The following EPS15 variants were observed in gnomAD, a reference collection of about 807,000 sequenced individuals.
EPS15 encodes the protein epidermal growth factor receptor substrate 15.
A neutral mutation model predicts 113.8 loss-of-function variants in EPS15; 72 were observed. The ratio of observed to expected loss-of-function variants is 0.63; its 90% CI spans 0.52 to 0.77. The LOEUF is 0.77. Among genes scored for constraint, EPS15 ranks in the 30% least tolerant of loss-of-function variants. EPS15 has a pLI of 0.00. For synonymous variants in EPS15, 344 were observed against 363.4 expected, an observed-to-expected ratio of 0.95 and a Z score of 0.61; for missense variants, 1,048 against 1,045.8, an observed-to-expected ratio of 1.00 and a Z score of -0.03.
intron 10 of EPS15, 60 bp downstream of exon 10, chr1:51,446,900 C>T (rs970565390): frequency 1.4e-6 from 2 of 1,381,224 alleles, no homozygotes; most frequent in Admixed American, 4.6e-5. Context: ...AATCAAAATG[C>T]AGAAACTGGA....
intron 21 of EPS15, among the ~76,000 whole-genome samples, chr1:51,380,732 C>T (rs1459612564): frequency 6.6e-6 from 1 of 152,060 alleles, no homozygotes; most frequent in East Asian, 1.9e-4. Context: ...ATTAAACTCT[C>T]TAATGAAAAG....
chr1:51,372,540 GGT>G (rs1646683297), intron 21 of EPS15: 2 of 529,436 alleles, frequency 3.8e-6, no homozygotes, highest in South Asian at 2.8e-5. Flanking sequence ...ATAGTTGGGT[GGT>G]ACCACACAGG....
intron 2 of EPS15, among the ~76,000 whole-genome samples, chr1:51,479,037 T>C (rs1167470506): frequency 7.2e-5 from 11 of 152,228 alleles, no homozygotes; most frequent in Admixed American, 7.2e-4. Flanking sequence ...TCCTGGATAA[T>C]ATCCTGAAGA....
intron 12 of EPS15, among the ~76,000 whole-genome samples, chr1:51,432,186 G>A (rs1651786481): frequency 6.6e-6 from 1 of 152,102 alleles, no homozygotes; most frequent in Non-Finnish European, 1.5e-5. Context: ...AATTATTGCT[G>A]TATTAAAAGA....
chr1:51,366,400 A>T (rs1043706181), intron 21 of EPS15, among the ~76,000 whole-genome samples: 37 of 152,198 alleles, frequency 2.4e-4, no homozygotes, highest in Non-Finnish European at 2.4e-4. Context: ...CTTTTGGTTA[A>T]TCACATTCAG....
At position 51,505,709 on chromosome 1, in the gene EPS15, T is replaced by C. The variant is rs114312089; in HGVS notation, c.33+13490A>G. On this transcript the variant is annotated intron_variant, in intron 1 of 24. Transcript: ENST00000371733. ...CTGTTTAAAAAGTAAAAAATAAAAATTTTAGAAAAGAACAATGGAGCATAA... is the reference window on the plus strand; with the variant it reads ...CTGTTTAAAAAGTAAAAAATAAAAACTTTAGAAAAGAACAATGGAGCATAA... Among the ~76,000 whole-genome samples the C allele has an allele frequency of 9.4e-3, 1,423 of 152,120 alleles. 23 individuals are homozygous for C. The highest frequency in any genetic ancestry group is 0.033 in the African/African-American group (1,356 of 41,498).
intron 16 of EPS15, 43 bp from the exon 17 acceptor site, chr1:51,403,575 A>G (rs1648796861): frequency 3.5e-6 from 4 of 1,140,812 alleles, no homozygotes; most frequent in South Asian, 3.1e-5. Flanking sequence ...ATACTTTTTG[A>G]CATGGCAGAG....
rs140430022 is a variant in EPS15, at chr1:51,510,393, C to T, written c.33+8806G>A. Among the ~76,000 whole-genome samples, 17 of 152,212 alleles carry T rather than the reference C, an allele frequency of 1.1e-4. No homozygotes were observed. The East Asian group carries it at 2.7e-3, about 24-fold the overall frequency. On this transcript the variant is annotated intron_variant, in intron 1 of 24. Transcript: ENST00000371733. ...TCAACTCTCCCACTTAAAATACAAC[C>T]GTGAGCAAGTAATACAGAAGATTAA...
chr1:51,372,723 G>C (rs923081093), intron 21 of EPS15: 2 of 410,330 alleles, frequency 4.9e-6, no homozygotes, highest in African/African-American at 2.1e-5. Flanking sequence ...AAAAACATTT[G>C]AGCATGTGGC....
At chr1:51,453,031 T>G (rs1653701043) in intron 8 of EPS15, among the ~76,000 whole-genome samples, 2 of 152,228 alleles carry the variant, frequency 1.3e-5, no homozygotes, top group South Asian at 4.1e-4. Context: ...CTAGAAGAAT[T>G]CAATTTCAGT....
intron 15 of EPS15, among the ~76,000 whole-genome samples, 170 bp downstream of exon 15, chr1:51,407,965 T>A (rs755131277): frequency 2.6e-5 from 4 of 152,348 alleles, no homozygotes; most frequent in East Asian, 1.9e-4. Flanking sequence ...ATACAAGATG[T>A]ATGATAGTTT....
intron 1 of EPS15, among the ~76,000 whole-genome samples, chr1:51,482,336 G>A (rs915765886): frequency 2.6e-5 from 4 of 152,130 alleles, no homozygotes; most frequent in African/African-American, 9.7e-5. Flanking sequence ...AGAGATAGCA[G>A]TATGCACAAA....
At chr1:51,410,481 T>A (rs1482764227) in intron 13 of EPS15, among the ~76,000 whole-genome samples, 1 of 151,724 alleles carries the variant, frequency 6.6e-6, no homozygotes, top group East Asian at 1.9e-4. Context: ...GAAATGCAGA[T>A]CTCAGTGTAG....
At chr1:51,457,021 C>T (rs1207517433) in intron 8 of EPS15, among the ~76,000 whole-genome samples, 1 of 152,124 alleles carries the variant, frequency 6.6e-6, no homozygotes, top group African/African-American at 2.4e-5. Flanking sequence ...CACAGTGGCT[C>T]AAGCCTGTAA....
chr1:51,402,181 T>C (rs1323850716), intron 18 of EPS15, among the ~76,000 whole-genome samples: 2 of 151,570 alleles, frequency 1.3e-5, no homozygotes, highest in East Asian at 3.9e-4. Context: ...CATACATACA[T>C]ACATACATAC....
rs1369682103 is a variant in EPS15, at chr1:51,400,423, G to A, written c.1918+495C>T. Among the ~76,000 whole-genome samples, 3 of 151,982 alleles carry A rather than the reference G, an allele frequency of 2.0e-5. No individual in the cohort carries two copies. In the South Asian group the frequency reaches 6.2e-4, roughly 32 times the overall value. On this transcript the variant is annotated intron_variant, in intron 19 of 24. Coordinates refer to ENST00000371733, the MANE Select transcript of EPS15 (RefSeq NM_001981.3). Reference sequence around the variant, plus strand: ...AAAAGTAAAGCTATCGGGCACAGTCGCTCACACCTGTCTGTAATCGCAGCA... The same window carrying A: ...AAAAGTAAAGCTATCGGGCACAGTCACTCACACCTGTCTGTAATCGCAGCA...
intron 1 of EPS15, among the ~76,000 whole-genome samples, chr1:51,492,084 A>G (rs1218656219): frequency 6.6e-6 from 1 of 151,972 alleles, no homozygotes; most frequent in African/African-American, 2.4e-5. Flanking sequence ...CCTGGATTTA[A>G]GTGATCCACC....
At chr1:51,368,632 G>A (rs1221832957) in intron 21 of EPS15, among the ~76,000 whole-genome samples, 1 of 142,260 alleles carries the variant, frequency 7.0e-6, no homozygotes, top group African/African-American at 2.6e-5. Context: ...AGTCTCGCCT[G>A]TGTCACCCAG....
chr1:51,516,213 A>G (rs1207448785), intron 1 of EPS15, among the ~76,000 whole-genome samples: 2 of 152,224 alleles, frequency 1.3e-5, no homozygotes, highest in Non-Finnish European at 2.9e-5. Flanking sequence ...AACACTGTCT[A>G]TAAAACAGGA....
Sources: gnomAD v4.1 joint callset for allele counts (sites outside exome capture counted in the v4.1 genomes callset) on GRCh38, gnomAD v4.1.1 for gene constraint, MANE v1.5 for transcripts, NCBI Gene and HGNC (gene_info 2026-07-23, HGNC 2026-07-21) for gene names.